The following HHIP variants were observed in gnomAD, a reference collection of about 807,000 sequenced individuals.
The protein encoded by HHIP is hedgehog-interacting protein.
A neutral mutation model predicts 74.0 loss-of-function variants in HHIP; 12 were observed. That is an observed-to-expected ratio of 0.16 (90% CI 0.10 to 0.26). The LOEUF (loss-of-function observed/expected upper bound fraction) is 0.26. Ranked by LOEUF, HHIP falls within the 10% of genes least tolerant of loss-of-function variation. The pLI is 1.00. For synonymous variants in HHIP, 309 were observed against 311.6 expected (o/e 0.99, Z 0.09); for missense variants, 788 against 845.0 (o/e 0.93, Z 0.84).
chr4:144,676,221 T>C lies in HHIP; in HGVS notation c.831+16383T>C, dbSNP rs150157890. Reference sequence around the variant, plus strand: ...AAGAAATTCAGCACAAAATGTCCCCTTTTCCCCCACTCTAAATTGTTTATA... The same window carrying C: ...AAGAAATTCAGCACAAAATGTCCCCCTTTCCCCCACTCTAAATTGTTTATA... On this transcript the variant is annotated intron_variant, in intron 4 of 12. Transcript: ENST00000296575. Among the ~76,000 whole-genome samples the C allele has an allele frequency of 4.2e-3, 634 of 152,260 alleles. 6 individuals are homozygous for C. Among genetic ancestry groups the C allele is most frequent in the African/African-American group, 0.014 (599 of 41,560 alleles).
chr4:144,706,523 G>T lies in HHIP; in HGVS notation c.832-8G>T. 1 of 1,590,390 alleles carries T rather than the reference G, an allele frequency of 6.3e-7. No individual in the cohort carries two copies. The highest frequency in any genetic ancestry group is 1.2e-5 in the South Asian group (1 of 86,232). ...TTACAATTCTTTGTGTTTTTCATTT[G>T]ACTGCAGGGAGGAGATGAAAGAGGA... On this transcript the variant is annotated splice_region_variant and splice_polypyrimidine_tract_variant and intron_variant, in intron 4 of 12. Coordinates refer to ENST00000296575, the MANE Select transcript of HHIP (RefSeq NM_022475.3).
intron 4 of HHIP, among the ~76,000 whole-genome samples, chr4:144,674,468 T>A (rs1729123330): frequency 6.6e-6 from 1 of 152,220 alleles, no homozygotes. Flanking sequence ...TTTTTTAAAA[T>A]AGTATAATGC....
intron 4 of HHIP, among the ~76,000 whole-genome samples, chr4:144,688,907 A>C (rs76138667): frequency 0.028 from 4,264 of 152,310 alleles, 71 homozygotes; most frequent in Middle Eastern, 0.041. Flanking sequence ...TTATTTCTTC[A>C]AGCTTGGTGT....
Position 144,658,966 on chromosome 4 carries a change from C to T in HHIP, c.629+20C>T. 6.4e-7 allele frequency: 1 copy of T among 1,561,882 alleles called. No individual in the cohort carries two copies. The highest frequency in any genetic ancestry group is 8.7e-7 in the Non-Finnish European group (1 of 1,149,572). On this transcript the variant is annotated intron_variant, in intron 3 of 12. Transcript: ENST00000296575. ...CAGCAGGTTCATAAAGATAAATGCT[C>T]TTTAATCTTTTTAAAAAAACCCAAC... is the stretch of plus-strand genomic sequence containing the variant.
chr4:144,730,055 T>C (rs1730911279), intron 11 of HHIP, among the ~76,000 whole-genome samples: 1 of 152,194 alleles, frequency 6.6e-6, no homozygotes, highest in Non-Finnish European at 1.5e-5. Flanking sequence ...TTAAATATCA[T>C]GAAATGAAAA....
Position 144,712,913 on chromosome 4 carries a change from C to T in HHIP, c.1423+842C>T, listed in dbSNP as rs146916279. 1.7e-3 allele frequency among the ~76,000 whole-genome samples: 237 copies of T among 141,812 alleles called. 2 individuals carry two copies. Among genetic ancestry groups the T allele is most frequent in the African/African-American group, 5.4e-3 (207 of 38,110 alleles). 93.0% of individuals were successfully genotyped at this position (141,812 alleles called of 152,430 possible). On this transcript the variant is annotated intron_variant, in intron 8 of 12. Transcript: ENST00000296575. ...GTGTGTGTGTGTGTGTGTGTGCACG[C>T]GCATCTTTTAAAAGCCAAACCAAAG... is the stretch of plus-strand genomic sequence containing the variant.
chr4:144,713,675 T>C (rs1420577564), intron 8 of HHIP, among the ~76,000 whole-genome samples: 2 of 152,168 alleles, frequency 1.3e-5, no homozygotes, highest in Non-Finnish European at 2.9e-5. Flanking sequence ...AACAGAACAT[T>C]AAAATATTTT....
Position 144,723,214 on chromosome 4 carries a change from C to T in HHIP, c.1760+4258C>T, listed in dbSNP as rs79071973. The stretch of plus-strand genomic sequence containing the variant: ...ATTTATCTGTTACCCAACCAAGTCA[C>T]ACAGACCATTCCCTTAATAAGTCTA... On this transcript the variant is annotated intron_variant, in intron 11 of 12. Coordinates refer to ENST00000296575, the MANE Select transcript of HHIP (RefSeq NM_022475.3). Among the ~76,000 whole-genome samples the T allele has an allele frequency of 4.9e-3, 739 of 152,256 alleles. 10 individuals carry two copies. The highest frequency in any genetic ancestry group is 0.017 in the African/African-American group (697 of 41,548).
At chr4:144,707,481 C>G (rs1189885085) in intron 6 of HHIP, among the ~76,000 whole-genome samples, 4 of 151,928 alleles carry the variant, frequency 2.6e-5, no homozygotes, top group Non-Finnish European at 5.9e-5. Context: ...TTGTGTAGTT[C>G]TCTGTTCCAG....
intron 4 of HHIP, among the ~76,000 whole-genome samples, chr4:144,664,418 G>A (rs1728801702): frequency 6.6e-6 from 1 of 152,202 alleles, no homozygotes; most frequent in Admixed American, 6.5e-5. Context: ...TCAAAAATTT[G>A]TGAAATCTAA....
At chr4:144,681,847 T>C (rs936696511) in intron 4 of HHIP, among the ~76,000 whole-genome samples, 2 of 152,222 alleles carry the variant, frequency 1.3e-5, no homozygotes, top group African/African-American at 2.4e-5. Flanking sequence ...CATTGGCTTC[T>C]GAGCATCAAA....
At chr4:144,728,808 G>A (rs1047671615) in intron 11 of HHIP, among the ~76,000 whole-genome samples, 1 of 152,112 alleles carries the variant, frequency 6.6e-6, no homozygotes, top group Middle Eastern at 3.2e-3. Flanking sequence ...CATTGGCTCC[G>A]TTCTTCTACC....
In HHIP at chr4:144,738,183, A is replaced by G; in HGVS notation, c.*226A>G. 8.9e-7 allele frequency: 1 copy of G among 1,129,398 alleles called. No homozygotes were observed. Among genetic ancestry groups the G allele is most frequent in the South Asian group, 4.4e-5 (1 of 22,774 alleles). The allele number at this position is 1,129,398 out of a possible 1,614,324, so 70.0% of individuals were successfully genotyped here. On this transcript the variant is annotated 3_prime_UTR_variant, in exon 13 of 13. Coordinates refer to ENST00000296575, the MANE Select transcript of HHIP (RefSeq NM_022475.3). The stretch of plus-strand genomic sequence containing the variant: ...ACCCCTATATGCGTTGTTGCATAAC[A>G]GATGATTTTTTAAAATATATACTTC...
Position 144,739,846 on chromosome 4 carries a change from C to T in HHIP, c.*1889C>T, listed in dbSNP as rs1049721651. ...GTGGTCCCTTCTAGTCACACTAACA[C>T]TTCATTGGCCCAACAGTGTGACAAA... On this transcript the variant is annotated 3_prime_UTR_variant, in exon 13 of 13. Transcript: ENST00000296575. 2 of 152,210 alleles carry T rather than the reference C, an allele frequency of 1.3e-5. No individual in the cohort carries two copies. Among genetic ancestry groups the T allele is most frequent in the Admixed American group, 1.3e-4 (2 of 15,278 alleles). 9.4% of individuals were successfully genotyped at this position (152,210 alleles called of 1,614,324 possible). A position where few individuals can be genotyped will look rare whatever the true frequency, so the allele number is the denominator to read the frequency against.
At chr4:144,678,534 C>T (rs1257127586) in intron 4 of HHIP, among the ~76,000 whole-genome samples, 1 of 152,048 alleles carries the variant, frequency 6.6e-6, no homozygotes, top group Non-Finnish European at 1.5e-5. Context: ...AATGCTATCC[C>T]TCCCCTAGCC....
Position 144,739,425 on chromosome 4 carries a change from T to C in HHIP, c.*1468T>C, listed in dbSNP as rs1461596007. On this transcript the variant is annotated 3_prime_UTR_variant, in exon 13 of 13. Transcript: ENST00000296575. ...ATCTAAATTGTAGAGCAGTATAGAT[T>C]ATGCAGCGCCAGCTGACTTTCTAAA... is the stretch of plus-strand genomic sequence containing the variant. 6.6e-6 allele frequency: 1 copy of C among 152,240 alleles called. No homozygotes were observed. Among genetic ancestry groups the C allele is most frequent in the East Asian group, 1.9e-4 (1 of 5,202 alleles). 9.4% of individuals were successfully genotyped at this position (152,240 alleles called of 1,614,324 possible).
chr4:144,728,922 C>T (rs1029954291), intron 11 of HHIP, among the ~76,000 whole-genome samples: 2 of 151,736 alleles, frequency 1.3e-5, no homozygotes, highest in African/African-American at 4.8e-5. Flanking sequence ...TGTGTAGTCT[C>T]AAAACATGCG....
intron 10 of HHIP, among the ~76,000 whole-genome samples, chr4:144,718,621 G>A (rs1730537567): frequency 6.6e-6 from 1 of 152,132 alleles, no homozygotes; most frequent in South Asian, 2.1e-4. Context: ...TTAGACAGCT[G>A]TTGCCATAAT....
At position 144,734,729 on chromosome 4, in the gene HHIP, G is replaced by A; in HGVS notation, c.1761-12G>A. Reference sequence around the variant, plus strand: ...AATGGAATACACTTTCAACTATTGTGTTTTAATGTAGACCTTTAATGCCTG... The same window carrying A: ...AATGGAATACACTTTCAACTATTGTATTTTAATGTAGACCTTTAATGCCTG... On this transcript the variant is annotated splice_polypyrimidine_tract_variant and intron_variant, in intron 11 of 12. Coordinates refer to ENST00000296575, the MANE Select transcript of HHIP (RefSeq NM_022475.3). The A allele has an allele frequency of 6.5e-7, 1 of 1,546,868 alleles. No individual in the cohort carries two copies. Among genetic ancestry groups the A allele is most frequent in the South Asian group, 1.2e-5 (1 of 83,894 alleles).
Sources: allele counts gnomAD v4.1 joint callset (sites outside exome capture counted in the v4.1 genomes callset), GRCh38; gene constraint gnomAD v4.1.1; transcripts MANE v1.5; gene names NCBI Gene and HGNC (gene_info 2026-07-23, HGNC 2026-07-21).